DHX34: variants seen among roughly 807,000 people sequenced by gnomAD.
DHX34 encodes probable ATP-dependent RNA helicase DHX34.
DHX34 carries 96 observed loss-of-function variants against 111.1 expected under a neutral mutation model. The observed-to-expected ratio is 0.86, with a 90% confidence interval of 0.73 to 1.02. The LOEUF is 1.02. Ranked by LOEUF, DHX34 falls within the 50% of genes least tolerant of loss-of-function variation. The pLI is 0.00. For synonymous variants in DHX34, 688 were observed against 670.4 expected, an observed-to-expected ratio of 1.03 and a Z score of -0.41; for missense variants, 1,560 against 1,579.9, an observed-to-expected ratio of 0.99 and a Z score of 0.21.
rs1300520415 is a variant in DHX34 at position 47,364,930 on chromosome 19, C to A, written c.1594-2051C>A. 2.0e-5 allele frequency among the ~76,000 whole-genome samples: 3 copies of A among 152,096 alleles called. No individual in the cohort carries two copies. The South Asian group carries it at 6.2e-4, about 32-fold the overall frequency. On this transcript the variant is annotated intron_variant, in intron 6 of 16. Coordinates refer to ENST00000328771, the MANE Select transcript of DHX34 (RefSeq NM_014681.6). ...CTGGCTCCAGGCACAGTGGGCGTCA[C>A]CTCCTCCTCCTTTACCATCCGGAGG... is the stretch of plus-strand genomic sequence containing the variant.
chr19:47,380,115 A>G, intron 14 of DHX34, 130 bp downstream of exon 14: 1 of 1,403,216 alleles, frequency 7.1e-7, no homozygotes, highest in Non-Finnish European at 9.4e-7. Flanking sequence ...CAGGCCACAG[A>G]GGTTCAGTCA....
chr19:47,376,617 C>A, intron 12 of DHX34, 57 bp downstream of exon 12: 2 of 1,532,894 alleles, frequency 1.3e-6, no homozygotes, highest in South Asian at 1.2e-5. Flanking sequence ...GCAGGGATAC[C>A]GTGAACTCCC....
At position 47,355,148 on chromosome 19, in the gene DHX34, A is replaced by G. The variant is rs759945542; in HGVS notation, c.815A>G (p.Gln272Arg). ...RQIQREPSLPQYEVLIVDEVH... is the reference protein window; with the variant it reads ...RQIQREPSLPRYEVLIVDEVH... The stretch of plus-strand genomic sequence containing the variant: ...ATCCAGCGGGAACCCAGCCTGCCCC[A>G]GTATGAGGTCCTGATTGTGGATGAA... The change falls in exon 3 of 17, where the codon CAG becomes CGG. Residue 272 changes from glutamine (Q) to arginine (R), a missense_variant. Gln to Arg is a conservative substitution (Grantham distance 43, BLOSUM62 1). Coordinates refer to ENST00000328771, the MANE Select transcript of DHX34 (RefSeq NM_014681.6). 4.3e-6 allele frequency: 7 copies of G among 1,613,872 alleles called. No individual in the cohort carries two copies. In the African/African-American group the frequency reaches 8.0e-5, roughly 18 times the overall value.
intron 7 of DHX34, among the ~76,000 whole-genome samples, chr19:47,368,304 T>C (rs1487756057): frequency 7.6e-6 from 1 of 131,634 alleles, no homozygotes; most frequent in African/African-American, 2.9e-5. Context: ...AATCCTTTTT[T>C]TTTTTTTTTT....
At position 47,353,301 on chromosome 19, in the gene DHX34, C is replaced by G. The variant is rs759250026; in HGVS notation, c.271C>G (p.Pro91Ala). ...KDPGQPKHSI[P>A]ALADLPRTYD... ...CCCTGGACAGCCCAAGCACAGCATC[C>G]CAGCGCTGGCCGACCTACCTCGCAC... Residue 91 changes from proline to alanine, a missense_variant, in exon 2 of 17, where the codon CCA becomes GCA. Transcript: ENST00000328771. The surrounding 1 kb of genome is among the most constrained non-coding windows in gnomAD (Gnocchi z 4.6). 6.2e-7 allele frequency: 1 copy of G among 1,614,124 alleles called. No homozygotes were observed. The highest frequency in any genetic ancestry group is 1.1e-5 in the South Asian group (1 of 91,082).
rs144287509 is a variant in DHX34 at position 47,352,904 on chromosome 19, T to C, written c.-127T>C. 1.2e-4 allele frequency: 176 copies of C among 1,447,216 alleles called. No homozygotes were observed. The highest frequency in any genetic ancestry group is 1.5e-4 in the Non-Finnish European group (166 of 1,101,592). The allele number at this position is 1,447,216 out of a possible 1,614,324, so 89.6% of individuals were successfully genotyped here. A position where few individuals can be genotyped will look rare whatever the true frequency, so the allele number is the denominator to read the frequency against. On this transcript the variant is annotated 5_prime_UTR_variant, in exon 2 of 17. Coordinates refer to ENST00000328771, the MANE Select transcript of DHX34 (RefSeq NM_014681.6). ...CTGTGCCGTGACCAGGAGGAAAAAT[T>C]AGCTCTTTGAAGAGAAAGTAGTTCT...
chr19:47,380,390 T>C (rs1436568844), intron 14 of DHX34, among the ~76,000 whole-genome samples: 3 of 152,018 alleles, frequency 2.0e-5, no homozygotes, highest in African/African-American at 7.2e-5. Context: ...CTCGTGGTTC[T>C]ACTTCATGTG....
At chr19:47,367,963 C>T (rs1321861847) in intron 7 of DHX34, among the ~76,000 whole-genome samples, 1 of 150,872 alleles carries the variant, frequency 6.6e-6, no homozygotes, top group East Asian at 1.9e-4. Context: ...GCTGATTCAA[C>T]CTAATATACC....
At position 47,360,027 on chromosome 19, in the gene DHX34, G is replaced by C; in HGVS notation, c.1332G>C (p.Glu444Asp). The C allele has an allele frequency of 6.2e-7, 1 of 1,614,024 alleles. No individual in the cohort carries two copies. Among genetic ancestry groups the C allele is most frequent in the Non-Finnish European group, 8.5e-7 (1 of 1,180,000 alleles). ...RKCILSTNIA[E>D]TSVTIDGIRF... is the part of the protein sequence containing the mutation. ...GCATCCTCTCCACCAACATTGCTGA[G>C]ACCTCAGTCACCATTGACGGGATCC... The change falls in exon 5 of 17, where the codon GAG becomes GAC. Residue 444 changes from glutamate (E) to aspartate (D), a missense_variant. Physicochemically the swap from Glu to Asp is conservative, Grantham distance 45 (BLOSUM62 2). Transcript: ENST00000328771.
chr19:47,370,337 C>T lies in DHX34; in HGVS notation c.1769-2393C>T, dbSNP rs528792325. Among the ~76,000 whole-genome samples the T allele has an allele frequency of 2.6e-5, 4 of 152,332 alleles. No individual in the cohort carries two copies. In the East Asian group the frequency reaches 7.7e-4, roughly 29 times the overall value. Reference sequence around the variant, plus strand: ...TCCACAGCTCAGACCCCTCCCACCTCTCTCCTCTGCACAGCGTGTCCCCAG... The same window carrying T: ...TCCACAGCTCAGACCCCTCCCACCTTTCTCCTCTGCACAGCGTGTCCCCAG... On this transcript the variant is annotated intron_variant, in intron 7 of 16. Coordinates refer to ENST00000328771, the MANE Select transcript of DHX34 (RefSeq NM_014681.6).
intron 16 of DHX34, chr19:47,381,526 T>C (rs1416246952): frequency 1.4e-6 from 1 of 689,896 alleles, no homozygotes; most frequent in African/African-American, 1.8e-5. Flanking sequence ...CACCTCTTTC[T>C]GTCTGCCTGT....
intron 2 of DHX34, among the ~76,000 whole-genome samples, chr19:47,354,700 G>T (rs1969396898): frequency 6.6e-6 from 1 of 152,098 alleles, no homozygotes; most frequent in Admixed American, 6.6e-5. Flanking sequence ...GCCCAGGCTG[G>T]AGTGCAATGG....
At chr19:47,377,932 C>A (rs1405433082) in intron 13 of DHX34, among the ~76,000 whole-genome samples, 1 of 152,116 alleles carries the variant, frequency 6.6e-6, no homozygotes, top group African/African-American at 2.4e-5. Context: ...TAGTGCTCCT[C>A]GAGCGTCTTT....
intron 1 of DHX34, among the ~76,000 whole-genome samples, chr19:47,350,047 G>A (rs1327676217): frequency 1.3e-5 from 2 of 152,132 alleles, no homozygotes; most frequent in African/African-American, 4.8e-5. Context: ...AGAAAAGTGT[G>A]TGTGTGTATG....
intron 5 of DHX34, among the ~76,000 whole-genome samples, chr19:47,360,788 C>T (rs1016901982): frequency 6.6e-6 from 1 of 152,110 alleles, no homozygotes; most frequent in Non-Finnish European, 1.5e-5. Context: ...TCTCCTGCTT[C>T]AGCCTCCCAA....
chr19:47,363,682 G>A (rs1313423207), intron 6 of DHX34, among the ~76,000 whole-genome samples: 1 of 152,016 alleles, frequency 6.6e-6, no homozygotes, highest in Non-Finnish European at 1.5e-5. Flanking sequence ...GCCGGGTGTG[G>A]TGGTGTGCAC....
chr19:47,375,877 G>C, intron 10 of DHX34, 47 bp from the exon 11 acceptor site: 1 of 1,547,576 alleles, frequency 6.5e-7, no homozygotes. Flanking sequence ...ATCATGGTAG[G>C]AGCCCCTCAG....
At position 47,379,801 on chromosome 19, in the gene DHX34, G is replaced by C; in HGVS notation, c.2798G>C (p.Ser933Thr). ...DGWLELQLAD[S>T]ESAIRLLAAS... ...TGGCTGGAGCTGCAGCTAGCAGACA[G>C]TGAAAGTGCCATCCGACTCCTGGCG... Residue 933 changes from serine (S) to threonine (T), a missense_variant, in exon 14 of 17, where the codon AGT becomes ACT. Ser to Thr is a moderately conservative substitution (Grantham distance 58, BLOSUM62 1). Coordinates refer to ENST00000328771, the MANE Select transcript of DHX34 (RefSeq NM_014681.6). 1 of 1,613,832 alleles carries C rather than the reference G, an allele frequency of 6.2e-7. No individual in the cohort carries two copies.
chr19:47,356,074 G>A (rs898638404), intron 3 of DHX34, among the ~76,000 whole-genome samples: 2 of 152,108 alleles, frequency 1.3e-5, no homozygotes. Flanking sequence ...CGTGGGGGCT[G>A]TCCTGTGCAT....
Sources: gnomAD v4.1 joint callset for allele counts (sites outside exome capture counted in the v4.1 genomes callset) on GRCh38, gnomAD v4.1.1 for gene constraint, Gnocchi (gnomAD v3.1) non-coding constraint, MANE v1.5 for transcripts, NCBI Gene and HGNC (gene_info 2026-07-23, HGNC 2026-07-21) for gene names.